Variants in KIAA0319L observed in about 807,000 individuals in gnomAD.
The protein encoded by KIAA0319L is dyslexia-associated protein KIAA0319-like protein.
Under a neutral mutation model 120.1 loss-of-function variants are expected in KIAA0319L, and 55 were observed. That is an observed-to-expected ratio of 0.46 (90% CI 0.37 to 0.57). The LOEUF is 0.57. Ranked by LOEUF, KIAA0319L falls within the 20% of genes least tolerant of loss-of-function variation. KIAA0319L has a pLI of 0.00. For synonymous variants in KIAA0319L, 398 were observed against 471.9 expected (o/e 0.84, Z 2.03); for missense variants, 1,049 against 1,255.3 (o/e 0.84, Z 2.48).
chr1:35,442,958 A>G lies in KIAA0319L; in HGVS notation c.2727T>C (p.Phe909=), dbSNP rs752255004. 5 of 1,614,174 alleles carry G rather than the reference A, an allele frequency of 3.1e-6. No individual in the cohort carries two copies. The South Asian group carries it at 4.4e-5, about 14-fold the overall frequency. The change falls in exon 18 of 21, where the codon TTT becomes TTC. Residue 909 remains phenylalanine, a synonymous_variant. Coordinates refer to ENST00000325722, the MANE Select transcript of KIAA0319L (RefSeq NM_024874.5). ...GCACCTTGATGAAATTCTCCATCCA[A>G]AAAGGGTCACAGATACAGCGTTTGG... The part of the protein sequence containing the change: ...SFTKRCICDP[F]WMENFIKVQL...
chr1:35,490,575 C>T (rs961633526), intron 3 of KIAA0319L, among the ~76,000 whole-genome samples: 4 of 151,916 alleles, frequency 2.6e-5, no homozygotes, highest in Non-Finnish European at 5.9e-5. Context: ...GATGACAGAA[C>T]TGGTAGATAG....
At chr1:35,444,013 G>A in intron 17 of KIAA0319L, 148 bp downstream of exon 17, 1 of 631,694 alleles carries the variant, frequency 1.6e-6, no homozygotes, top group Non-Finnish European at 2.5e-6. Context: ...TGATGAATCA[G>A]GACTCTTTCA....
chr1:35,489,962 G>T (rs1054523130), intron 3 of KIAA0319L, among the ~76,000 whole-genome samples: 12 of 151,974 alleles, frequency 7.9e-5, no homozygotes, highest in Admixed American at 2.6e-4. Context: ...CACCATGCCT[G>T]GCTTTTGTTT....
intron 10 of KIAA0319L, 139 bp from the exon 11 acceptor site, chr1:35,454,624 T>G: frequency 7.0e-7 from 1 of 1,434,870 alleles, no homozygotes. Flanking sequence ...CAGTTCAGCA[T>G]GTGAGTGAAT....
chr1:35,446,565 T>C (rs539810792), intron 16 of KIAA0319L, among the ~76,000 whole-genome samples: 8 of 152,304 alleles, frequency 5.3e-5, no homozygotes, highest in East Asian at 1.9e-4. Context: ...CACAAACCCA[T>C]AGGCCTACTT....
At chr1:35,478,028 G>T (rs1038924234) in intron 4 of KIAA0319L, among the ~76,000 whole-genome samples, 7 of 152,200 alleles carry the variant, frequency 4.6e-5, no homozygotes, top group African/African-American at 1.7e-4. Flanking sequence ...AATGAATAAA[G>T]AAAATGTGGT....
intron 20 of KIAA0319L, chr1:35,439,620 AAGGG>A (rs1641053839): frequency 6.6e-6 from 1 of 152,168 alleles, no homozygotes; most frequent in South Asian, 2.1e-4. Context: ...TGAGGAGGTT[AAGGG>A]AGGGATAAGA....
Position 35,434,802 on chromosome 1 carries a change from A to T in KIAA0319L, c.*92T>A. On this transcript the variant is annotated 3_prime_UTR_variant, in exon 21 of 21. Coordinates refer to ENST00000325722, the MANE Select transcript of KIAA0319L (RefSeq NM_024874.5). ...ACTGTCAGGGCGAAATGACCAGCAG[A>T]TGCTGGGACAGCAGCTGCCCGCAGA... 1 of 1,143,246 alleles carries T rather than the reference A, an allele frequency of 8.7e-7. No homozygotes were observed. The highest frequency in any genetic ancestry group is 1.2e-6 in the Non-Finnish European group (1 of 803,186). 70.8% of individuals were successfully genotyped at this position (1,143,246 alleles called of 1,614,324 possible).
chr1:35,552,495 T>C (rs1391485870), intron 2 of KIAA0319L, among the ~76,000 whole-genome samples: 2 of 152,224 alleles, frequency 1.3e-5, no homozygotes, highest in Non-Finnish European at 2.9e-5. Context: ...GCCAAGTCAT[T>C]CTGCCTCTCT....
intron 2 of KIAA0319L, among the ~76,000 whole-genome samples, 169 bp downstream of exon 2, chr1:35,554,181 A>C (rs1286297242): frequency 6.6e-6 from 1 of 152,220 alleles, no homozygotes; most frequent in African/African-American, 2.4e-5. Flanking sequence ...TTCCAAAACA[A>C]AACAAATAAA....
At position 35,542,087 on chromosome 1, in the gene KIAA0319L, G is replaced by T. The variant is rs1032753094; in HGVS notation, c.142+12263C>A. ...CACTGGACAGAGGTTTAAGAAGCTA[G>T]CAGAGAACTCAACCCTCCTGCCTGC... is the stretch of plus-strand genomic sequence containing the variant. On this transcript the variant is annotated intron_variant, in intron 2 of 20. Coordinates refer to ENST00000325722, the MANE Select transcript of KIAA0319L (RefSeq NM_024874.5). 4.1e-4 allele frequency among the ~76,000 whole-genome samples: 62 copies of T among 152,320 alleles called. 1 individual carries two copies. The highest frequency in any genetic ancestry group is 3.1e-3 in the Admixed American group (48 of 15,292).
chr1:35,462,043 A>G (rs1570685842), intron 8 of KIAA0319L, among the ~76,000 whole-genome samples: 1 of 152,128 alleles, frequency 6.6e-6, no homozygotes, highest in Non-Finnish European at 1.5e-5. Flanking sequence ...TAGGTCTGAA[A>G]CCTCTTGCAC....
Position 35,435,488 on chromosome 1 carries a change from G to A in KIAA0319L, c.2963-407C>T, listed in dbSNP as rs116763433. 1,181 of 175,974 alleles carry A rather than the reference G, an allele frequency of 6.7e-3. 14 individuals carry two copies. Among genetic ancestry groups the A allele is most frequent in the African/African-American group, 0.027 (1,130 of 41,886 alleles). The allele number at this position is 175,974 out of a possible 1,614,324, so 10.9% of individuals were successfully genotyped here. On this transcript the variant is annotated intron_variant, in intron 20 of 20. Coordinates refer to ENST00000325722, the MANE Select transcript of KIAA0319L (RefSeq NM_024874.5). ...GGCTCTGGAGAATGAGCTTTTAGCT[G>A]CACCCTAGGTCAGCAAGGCCGCTGA...
intron 2 of KIAA0319L, among the ~76,000 whole-genome samples, chr1:35,528,063 TG>T (rs1406693271): frequency 1.3e-5 from 2 of 152,190 alleles, no homozygotes; most frequent in African/African-American, 4.8e-5. Flanking sequence ...GGTTTTGGTA[TG>T]TTTTTTCCAT....
intron 2 of KIAA0319L, among the ~76,000 whole-genome samples, chr1:35,521,988 AAAAT>A (rs1254112521): frequency 1.3e-5 from 2 of 152,104 alleles, no homozygotes; most frequent in Non-Finnish European, 1.5e-5. Context: ...TAAAAAATAA[AAAAT>A]AAATAAAGAA....
intron 2 of KIAA0319L, among the ~76,000 whole-genome samples, chr1:35,549,191 C>G (rs945687734): frequency 6.6e-6 from 1 of 152,022 alleles, no homozygotes; most frequent in Admixed American, 6.6e-5. Flanking sequence ...GCTAGGACTA[C>G]AGGTGCCCAC....
intron 7 of KIAA0319L, among the ~76,000 whole-genome samples, chr1:35,462,972 C>T (rs1044151859): frequency 1.3e-5 from 2 of 152,138 alleles, no homozygotes; most frequent in African/African-American, 4.8e-5. Flanking sequence ...GAGTGTACAA[C>T]CTAGATCCCT....
chr1:35,499,145 G>A (rs1419587146), intron 3 of KIAA0319L, among the ~76,000 whole-genome samples: 1 of 152,158 alleles, frequency 6.6e-6, no homozygotes, highest in Admixed American at 6.5e-5. Flanking sequence ...ACAAGAGATG[G>A]TCAAGTTCTG....
rs1034159930 is a variant in KIAA0319L, at chr1:35,437,054, C to G, written c.2963-1973G>C. ...CAGACCCACACCGAACCTGAGCGGGCTCTCCCAGCTCCCTTCGGTAGACAC... is the reference window on the plus strand; with the variant it reads ...CAGACCCACACCGAACCTGAGCGGGGTCTCCCAGCTCCCTTCGGTAGACAC... On this transcript the variant is annotated intron_variant, in intron 20 of 20. Coordinates refer to ENST00000325722, the MANE Select transcript of KIAA0319L (RefSeq NM_024874.5). This position sits in a 1 kb window ranked among gnomAD's most constrained non-coding sequence, Gnocchi z 4.1. Among the ~76,000 whole-genome samples the G allele has an allele frequency of 1.3e-5, 2 of 152,326 alleles. No homozygotes were observed. Among genetic ancestry groups the G allele is most frequent in the South Asian group, 4.1e-4 (2 of 4,828 alleles).
Sources: gnomAD v4.1 joint callset for allele counts (sites outside exome capture counted in the v4.1 genomes callset) on GRCh38, gnomAD v4.1.1 for gene constraint, Gnocchi (gnomAD v3.1) non-coding constraint, MANE v1.5 for transcripts, NCBI Gene and HGNC (gene_info 2026-07-23, HGNC 2026-07-21) for gene names.